The following ERAP2 variants were observed in gnomAD, a reference collection of about 807,000 sequenced individuals.
ERAP2 encodes the protein endoplasmic reticulum aminopeptidase 2, also known as leukocyte-derived arginine aminopeptidase.
Under a neutral mutation model 111.1 loss-of-function variants are expected in ERAP2, and 118 were observed. The observed-to-expected ratio is 1.06, with a 90% CI of 0.92 to 1.24. The LOEUF (loss-of-function observed/expected upper bound fraction) is 1.24, where lower values mean the gene tolerates loss of function less well. Among genes scored for constraint, ERAP2 ranks in the 50% most tolerant of loss-of-function variants. ERAP2 has a pLI of 0.00. For missense variants in ERAP2, 1,131 were observed against 1,125.8 expected, an observed-to-expected ratio of 1.00 and a Z score of -0.07; for synonymous variants, 410 against 401.2, an observed-to-expected ratio of 1.02 and a Z score of -0.26.
At chr5:96,906,265 C>G (rs1439862072) in intron 13 of ERAP2, among the ~76,000 whole-genome samples, 1 of 151,758 alleles carries the variant, frequency 6.6e-6, no homozygotes, top group Non-Finnish European at 1.5e-5. Flanking sequence ...TCTTCCTCTT[C>G]TTCTTCTTCA....
chr5:96,880,135 G>C lies in ERAP2; in HGVS notation c.450G>C (p.Leu150=), dbSNP rs765236194. Residue 150 remains leucine (L), a synonymous_variant, in exon 2 of 19, where the codon CTG becomes CTC. Transcript: ENST00000437043. ...LSYPAHEQIA[L]LVPEKLTPHL... is the part of the protein sequence containing the mutation. The stretch of plus-strand genomic sequence containing the variant: ...ACCCTGCTCATGAACAAATTGCACT[G>C]CTGGTTCCAGAGAAACTTACGCCTC... 66 of 1,614,116 alleles carry C rather than the reference G, an allele frequency of 4.1e-5. No homozygotes were observed. The highest frequency in any genetic ancestry group is 5.5e-5 in the Non-Finnish European group (65 of 1,179,998).
intron 15 of ERAP2, among the ~76,000 whole-genome samples, chr5:96,911,877 AAAAAG>A (rs1316571263): frequency 2.0e-5 from 3 of 147,218 alleles, no homozygotes; most frequent in East Asian, 3.9e-4. Flanking sequence ...AAAAAAAAAA[AAAAAG>A]AAAGAAAGAA....
chr5:96,913,662 CAG>C (rs1787049305), intron 17 of ERAP2, among the ~76,000 whole-genome samples: 1 of 152,184 alleles, frequency 6.6e-6, no homozygotes, highest in Non-Finnish European at 1.5e-5. Context: ...GAATGGGAAA[CAG>C]CCTTCTCTCA....
intron 8 of ERAP2, 29 bp downstream of exon 8, chr5:96,896,533 T>C (rs776550029): frequency 6.4e-7 from 1 of 1,569,402 alleles, no homozygotes; most frequent in Admixed American, 1.8e-5. Context: ...AGGTGGAAGC[T>C]CTGCTTTCAG....
chr5:96,883,873 C>A lies in ERAP2; in HGVS notation c.657C>A (p.Asn219Lys). The A allele has an allele frequency of 1.2e-6, 2 of 1,613,784 alleles. No homozygotes were observed. Among genetic ancestry groups the A allele is most frequent in the East Asian group, 4.5e-5 (2 of 44,846 alleles). Reference protein sequence around the residue: ...PCFDEPLFKANFSIKIRRESR... With the variant: ...PCFDEPLFKAKFSIKIRRESR... ...TTGATGAACCGTTGTTCAAAGCCAACTTTTCAATCAAGATACGAAGAGAGA... is the reference window on the plus strand; with the variant it reads ...TTGATGAACCGTTGTTCAAAGCCAAATTTTCAATCAAGATACGAAGAGAGA... Residue 219 changes from asparagine (N) to lysine (K), a missense_variant, in exon 3 of 19, where the codon AAC becomes AAA. Asn to Lys is a moderately conservative substitution (Grantham distance 94). Around this residue, in one of 3 missense-constraint regions of ERAP2, gnomAD observed 847 missense variants for 856.5 expected, o/e 0.99. Transcript: ENST00000437043.
chr5:96,906,936 G>A (rs1266100458), intron 13 of ERAP2, among the ~76,000 whole-genome samples: 1 of 152,200 alleles, frequency 6.6e-6, no homozygotes, highest in African/African-American at 2.4e-5. Flanking sequence ...GCTGAGGCAG[G>A]AGAATCGCTT....
At chr5:96,895,792 T>C (rs1336337547) in intron 7 of ERAP2, among the ~76,000 whole-genome samples, 1 of 152,188 alleles carries the variant, frequency 6.6e-6, no homozygotes, top group Non-Finnish European at 1.5e-5. Flanking sequence ...AAGGGATTTC[T>C]TCAGGTACGT....
intron 13 of ERAP2, among the ~76,000 whole-genome samples, chr5:96,907,296 G>T (rs1016431577): frequency 6.6e-6 from 1 of 152,082 alleles, no homozygotes. Context: ...TATATAAAAA[G>T]AAAAGGAGTC....
rs1276042141 is a variant in ERAP2, at chr5:96,903,544, G to A, written c.1996G>A (p.Val666Met). 2 of 1,604,384 alleles carry A rather than the reference G, an allele frequency of 1.2e-6. No homozygotes were observed. Among genetic ancestry groups the A allele is most frequent in the Non-Finnish European group, 1.7e-6 (2 of 1,177,134 alleles). Residue 666 changes from valine to methionine, a missense_variant, in exon 13 of 19, where the codon GTG becomes ATG. By Grantham distance (21) the Val-to-Met change is conservative (BLOSUM62 1). Around this residue, in one of 3 missense-constraint regions of ERAP2, gnomAD observed 847 missense variants for 856.5 expected, o/e 0.99. Transcript: ENST00000437043. ...PKDRVGLIHDVFQLVGAGRLT... is the reference protein window; with the variant it reads ...PKDRVGLIHDMFQLVGAGRLT... ...GGACAGAGTAGGTCTGATTCATGATGTGTTTCAGCTAGTTGGGTAAGGCAA... is the reference window on the plus strand; with the variant it reads ...GGACAGAGTAGGTCTGATTCATGATATGTTTCAGCTAGTTGGGTAAGGCAA...
At chr5:96,908,861 T>A in intron 13 of ERAP2, 100 bp from the exon 14 acceptor site, 2 of 1,231,142 alleles carry the variant, frequency 1.6e-6, no homozygotes, top group Non-Finnish European at 2.3e-6. Flanking sequence ...TATAATGACC[T>A]ACTTCTGTTA....
At chr5:96,901,397 T>C in intron 10 of ERAP2, 109 bp from the exon 11 acceptor site, 3 of 1,232,738 alleles carry the variant, frequency 2.4e-6, no homozygotes, top group Non-Finnish European at 3.4e-6. Context: ...GTCCGAGTCT[T>C]CTGTTCCCCA....
intron 13 of ERAP2, among the ~76,000 whole-genome samples, chr5:96,908,432 T>G (rs1786345824): frequency 6.6e-6 from 1 of 152,210 alleles, no homozygotes; most frequent in African/African-American, 2.4e-5. Context: ...AAAATACTTG[T>G]TTTGTCCTAT....
chr5:96,895,636 A>C (rs558449479), intron 7 of ERAP2, among the ~76,000 whole-genome samples: 1 of 152,312 alleles, frequency 6.6e-6, no homozygotes, highest in Admixed American at 6.5e-5. Context: ...AGGAAAGAAC[A>C]TCACTGTTTG....
intron 14 of ERAP2, 22 bp downstream of exon 14, chr5:96,909,139 T>C (rs1412216873): frequency 6.8e-6 from 11 of 1,609,528 alleles, no homozygotes; most frequent in African/African-American, 2.7e-5. Flanking sequence ...TTTTAGAAAA[T>C]GTATTAAGTA....
upstream of ERAP2, chr5:96,876,253 G>C (rs1782515983): frequency 1.3e-5 from 2 of 152,340 alleles, no homozygotes; most frequent in Admixed American, 1.3e-4. Context: ...GACAAGGGAA[G>C]GGAGGTGATA....
At chr5:96,878,956 T>C (rs1340981218) in intron 1 of ERAP2, among the ~76,000 whole-genome samples, 1 of 152,010 alleles carries the variant, frequency 6.6e-6, no homozygotes, top group Non-Finnish European at 1.5e-5. Context: ...AAAAATAAAG[T>C]AGGCTGGTCA....
intron 7 of ERAP2, 140 bp from the exon 8 acceptor site, chr5:96,896,233 C>A: frequency 1.6e-6 from 1 of 609,920 alleles, no homozygotes; most frequent in South Asian, 2.5e-5. Context: ...AAGGGGAATA[C>A]ATACAAGAAA....
At position 96,917,735 on chromosome 5, in the gene ERAP2, T is replaced by C; in HGVS notation, c.*130T>C. The C allele has an allele frequency of 1.7e-6, 1 of 605,334 alleles. No homozygotes were observed. The highest frequency in any genetic ancestry group is 2.6e-6 in the Non-Finnish European group (1 of 386,918). The allele number at this position is 605,334 out of a possible 1,614,324, so 37.5% of individuals were successfully genotyped here. A position where few individuals can be genotyped will look rare whatever the true frequency, so the allele number is the denominator to read the frequency against. Reference sequence around the variant, plus strand: ...TCCTGGCTAACACGGTGAGACCCCGTCTCCGCTAAAAATACAAAAAATTAG... The same window carrying C: ...TCCTGGCTAACACGGTGAGACCCCGCCTCCGCTAAAAATACAAAAAATTAG... On this transcript the variant is annotated 3_prime_UTR_variant, in exon 19 of 19. Coordinates refer to ENST00000437043, the MANE Select transcript of ERAP2 (RefSeq NM_022350.5).
chr5:96,912,704 C>G lies in ERAP2; in HGVS notation c.2422C>G (p.Leu808Val), dbSNP rs769236920. 1.9e-6 allele frequency: 3 copies of G among 1,606,882 alleles called. No homozygotes were observed. The highest frequency in any genetic ancestry group is 1.7e-6 in the Non-Finnish European group (2 of 1,177,754). Residue 808 changes from leucine (L) to valine (V), a missense_variant, in exon 16 of 19, where the codon CTT becomes GTT. Physicochemically the swap from Leu to Val is conservative, Grantham distance 32 (BLOSUM62 1). Coordinates refer to ENST00000437043, the MANE Select transcript of ERAP2 (RefSeq NM_022350.5). ...GAQTTAGWNY[L>V]LEQYELSMSS... ...TCAGACAACAGCAGGATGGAATTAC[C>G]TTTTAGAGCAATATGAACTGTCAAT...
Sources: gnomAD v4.1 joint callset for allele counts (sites outside exome capture counted in the v4.1 genomes callset) on GRCh38, gnomAD v4.1.1 for gene constraint, gnomAD v4.1.1 regional missense constraint, MANE v1.5 for transcripts, NCBI Gene and HGNC (gene_info 2026-07-23, HGNC 2026-07-21) for gene names.